The following FSHR variants were observed in gnomAD, a reference collection of about 807,000 sequenced individuals.
FSHR encodes follicle-stimulating hormone receptor.
In FSHR, 46 loss-of-function variants were observed where a neutral mutation model predicts 52.1. That is an observed-to-expected ratio of 0.88 (90% CI 0.70 to 1.13). The LOEUF (loss-of-function observed/expected upper bound fraction) is 1.13. Ranked by LOEUF, FSHR falls within the 50% of genes most tolerant of loss-of-function variation. FSHR has a pLI of 0.00. For missense variants in FSHR, 964 were observed against 834.6 expected, an observed-to-expected ratio of 1.16 and a Z score of -1.91; for synonymous variants, 399 against 309.6, an observed-to-expected ratio of 1.29 and a Z score of -3.03.
chr2:49,066,728 G>T (rs987882518), intron 2 of FSHR, among the ~76,000 whole-genome samples: 2 of 152,014 alleles, frequency 1.3e-5, no homozygotes, highest in African/African-American at 4.8e-5. Flanking sequence ...AGGTTTGCCT[G>T]ATACTGAATA....
chr2:48,983,043 G>A lies in FSHR; in HGVS notation c.593+55C>T, dbSNP rs1261361904. 4.4e-6 allele frequency: 7 copies of A among 1,606,358 alleles called. No homozygotes were observed. The East Asian group carries it at 1.3e-4, about 31-fold the overall frequency. Reference sequence around the variant, plus strand: ...AACACAAAGCCACATAAATATTGCTGTTGTAAGAGCCATTTCCCTTTAAAT... The same window carrying A: ...AACACAAAGCCACATAAATATTGCTATTGTAAGAGCCATTTCCCTTTAAAT... On this transcript the variant is annotated intron_variant, in intron 7 of 9. Coordinates refer to ENST00000406846, the MANE Select transcript of FSHR (RefSeq NM_000145.4).
At chr2:49,077,547 T>G (rs1347208707) in intron 1 of FSHR, among the ~76,000 whole-genome samples, 1 of 152,232 alleles carries the variant, frequency 6.6e-6, no homozygotes, top group Non-Finnish European at 1.5e-5. Flanking sequence ...AACATTCAGC[T>G]GCTTGTTACT....
At chr2:48,983,561 AAGAC>A (rs1675355618) in intron 6 of FSHR, among the ~76,000 whole-genome samples, 1 of 152,308 alleles carries the variant, frequency 6.6e-6, no homozygotes, top group African/African-American at 2.4e-5. Flanking sequence ...AAGTGTTTAT[AAGAC>A]AGAGAAAGAA....
intron 2 of FSHR, among the ~76,000 whole-genome samples, chr2:49,055,530 T>TAA (rs1558414278): frequency 5.0e-5 from 1 of 20,032 alleles, no homozygotes; most frequent in Non-Finnish European, 8.7e-5. Context: ...TCCAGGAAGC[T>TAA]CAAAAAAAAA....
rs1029126445 is a variant in FSHR at position 49,106,494 on chromosome 2, T to C, written c.153-38204A>G. On this transcript the variant is annotated intron_variant, in intron 1 of 9. Transcript: ENST00000406846. The stretch of plus-strand genomic sequence containing the variant: ...TTACAGTTTGGCTGGAGATGGTTCC[T>C]GCCATTCAGGGATTTTCTTCAGAGG... Among the ~76,000 whole-genome samples, 3 of 152,194 alleles carry C rather than the reference T, an allele frequency of 2.0e-5. No homozygotes were observed. The East Asian group carries it at 5.8e-4, about 29-fold the overall frequency.
intron 1 of FSHR, among the ~76,000 whole-genome samples, chr2:49,111,745 T>C (rs960713885): frequency 1.3e-5 from 2 of 152,170 alleles, no homozygotes; most frequent in African/African-American, 4.8e-5. Context: ...CAGAAGGCTC[T>C]GGGAACCATA....
intron 1 of FSHR, among the ~76,000 whole-genome samples, chr2:49,084,638 C>T (rs181815855): frequency 7.4e-4 from 113 of 152,122 alleles, no homozygotes; most frequent in African/African-American, 2.2e-3. Context: ...ATTCAGTAGA[C>T]GCAATAAAAA....
At chr2:49,046,514 G>T (rs1450449403) in intron 2 of FSHR, among the ~76,000 whole-genome samples, 4 of 152,156 alleles carry the variant, frequency 2.6e-5, no homozygotes, top group African/African-American at 9.7e-5. Context: ...AGATTCTTAT[G>T]ATCAGATAAG....
chr2:49,041,210 A>G lies in FSHR; in HGVS notation c.225-21050T>C, dbSNP rs749136037. ...TGCTTAGCTCTGATTTTTTTCATACAGCGCATTTGGGAGGCACACCGTGAA... is the reference window on the plus strand; with the variant it reads ...TGCTTAGCTCTGATTTTTTTCATACGGCGCATTTGGGAGGCACACCGTGAA... On this transcript the variant is annotated intron_variant, in intron 2 of 9. Transcript: ENST00000406846. 1.8e-4 allele frequency among the ~76,000 whole-genome samples: 28 copies of G among 152,260 alleles called. No homozygotes were observed. In the Middle Eastern group the frequency reaches 0.014, roughly 74 times the overall value.
At chr2:49,136,462 TCACAAACTCTTC>T (rs1558461817) in intron 1 of FSHR, among the ~76,000 whole-genome samples, 2 of 152,128 alleles carry the variant, frequency 1.3e-5, no homozygotes, top group African/African-American at 2.4e-5. Context: ...TACCAATTAT[TCACAAACTCTTC>T]CCAAAAGTAA....
intron 2 of FSHR, among the ~76,000 whole-genome samples, chr2:49,066,604 A>G (rs913948659): frequency 1.3e-5 from 2 of 152,086 alleles, no homozygotes; most frequent in African/African-American, 4.8e-5. Context: ...TAATGAAGAC[A>G]TGAGGTAAAA....
intron 1 of FSHR, among the ~76,000 whole-genome samples, chr2:49,146,324 C>T (rs962062820): frequency 6.6e-6 from 1 of 152,026 alleles, no homozygotes; most frequent in Non-Finnish European, 1.5e-5. Flanking sequence ...AAGTCTAGTG[C>T]TCAAGGATGT....
rs537939333 is a variant in FSHR at position 48,968,043 on chromosome 2, T to C, written c.854+655A>G. ...GTACAATCTCCAAGGCGACTTTCTC[T>C]TTACTCTTTCCAGATCCTGTCTATG... On this transcript the variant is annotated intron_variant, in intron 9 of 9. Transcript: ENST00000406846. 5.3e-5 allele frequency among the ~76,000 whole-genome samples: 8 copies of C among 152,334 alleles called. No individual in the cohort carries two copies. The South Asian group carries it at 1.4e-3, about 28-fold the overall frequency.
intron 4 of FSHR, among the ~76,000 whole-genome samples, chr2:49,005,101 G>C (rs1667032119): frequency 6.6e-6 from 1 of 152,116 alleles, no homozygotes; most frequent in Admixed American, 6.5e-5. Flanking sequence ...GTCTGAATAT[G>C]TTGATATAAA....
chr2:48,995,433 T>G (rs6746533), intron 4 of FSHR, among the ~76,000 whole-genome samples: 88,137 of 151,906 alleles, frequency 0.58, 26,348 homozygotes, highest in Non-Finnish European at 0.66. Context: ...CCTTCTGGCC[T>G]AAACTAAGAG....
chr2:49,131,779 C>T (rs370223725), intron 1 of FSHR, among the ~76,000 whole-genome samples: 11 of 152,268 alleles, frequency 7.2e-5, no homozygotes, highest in Admixed American at 7.2e-4. Flanking sequence ...CTTTGATTTG[C>T]TCCTGTTTGA....
At chr2:49,088,910 C>T (rs1474931025) in intron 1 of FSHR, among the ~76,000 whole-genome samples, 1 of 152,130 alleles carries the variant, frequency 6.6e-6, no homozygotes, top group Admixed American at 6.5e-5. Flanking sequence ...TTAAAAGTTT[C>T]ACACATTTAA....
rs540059530 is a variant in FSHR, at chr2:49,093,739, C to T, written c.153-25449G>A. Among the ~76,000 whole-genome samples the T allele has an allele frequency of 9.3e-4, 141 of 151,870 alleles. 1 individual carries two copies. The highest frequency in any genetic ancestry group is 3.3e-3 in the African/African-American group (138 of 41,428). ...CCACCCAAGCAGCTAGGATTACAGG[C>T]GTGCACCACCACGCCTGGCTAATTT... On this transcript the variant is annotated intron_variant, in intron 1 of 9. Transcript: ENST00000406846.
intron 1 of FSHR, among the ~76,000 whole-genome samples, chr2:49,100,574 T>A (rs556271371): frequency 2.0e-5 from 3 of 152,174 alleles, no homozygotes; most frequent in African/African-American, 7.2e-5. Flanking sequence ...CCTACCTGGA[T>A]GAGATGCATG....
Sources: allele counts gnomAD v4.1 joint callset (sites outside exome capture counted in the v4.1 genomes callset), GRCh38; gene constraint gnomAD v4.1.1; transcripts MANE v1.5; gene names NCBI Gene and HGNC (gene_info 2026-07-23, HGNC 2026-07-21).